CHD5: variants seen among roughly 807,000 people sequenced by gnomAD.
CHD5 encodes chromodomain helicase DNA binding protein 5.
Under a neutral mutation model 230.3 loss-of-function variants are expected in CHD5, and 69 were observed. The ratio of observed to expected loss-of-function variants is 0.30; its 90% CI spans 0.25 to 0.37. The LOEUF (loss-of-function observed/expected upper bound fraction) is 0.37, where lower values mean the gene tolerates loss of function less well. Ranked by LOEUF, CHD5 falls within the 10% of genes least tolerant of loss-of-function variation. The pLI, the probability that CHD5 is intolerant of heterozygous loss-of-function variation, is 1.00. For synonymous variants in CHD5, 1,064 were observed against 1,065.9 expected (o/e 1.00, Z 0.03); for missense variants, 1,827 against 2,622.8 (o/e 0.70, Z 6.63).
At chr1:6,107,517 G>C (rs1293453582) in intron 38 of CHD5, among the ~76,000 whole-genome samples, 3 of 73,022 alleles carry the variant, frequency 4.1e-5, no homozygotes, top group African/African-American at 1.6e-4. Flanking sequence ...ATGGAGGGAT[G>C]GAGCGGTGGA....
At chr1:6,166,825 T>C (rs1667263630) in intron 2 of CHD5, among the ~76,000 whole-genome samples, 1 of 152,098 alleles carries the variant, frequency 6.6e-6, no homozygotes, top group African/African-American at 2.4e-5. Flanking sequence ...CAGGATGTCA[T>C]GTCATAGCAG....
chr1:6,166,134 C>A (rs1429635152), intron 2 of CHD5, among the ~76,000 whole-genome samples: 2 of 151,636 alleles, frequency 1.3e-5, no homozygotes, highest in Non-Finnish European at 2.9e-5. Context: ...AGCTGAGGGA[C>A]AACAGAGAAG....
At chr1:6,179,219 G>A (rs1372517932) in intron 1 of CHD5, among the ~76,000 whole-genome samples, 1 of 152,258 alleles carries the variant, frequency 6.6e-6, no homozygotes, top group East Asian at 1.9e-4. Flanking sequence ...AGGCAGGGTG[G>A]GCTGGGAACG....
Position 6,121,272 on chromosome 1 carries a change from G to C in CHD5, c.4780-35C>G. ...AAAAGCCAGGAGAACTACAAGGCCT[G>C]GGGCCTCACCAGGAACGGAGGGCGG... On this transcript the variant is annotated intron_variant, in intron 32 of 41. Coordinates refer to ENST00000262450, the MANE Select transcript of CHD5 (RefSeq NM_015557.3). This position sits in a 1 kb window ranked among gnomAD's most constrained non-coding sequence, Gnocchi z 4.5. 1 of 1,593,260 alleles carries C rather than the reference G, an allele frequency of 6.3e-7. No individual in the cohort carries two copies. Among genetic ancestry groups the C allele is most frequent in the Non-Finnish European group, 8.5e-7 (1 of 1,172,042 alleles).
At chr1:6,160,114 G>GAGA (rs1667145598) in intron 2 of CHD5, among the ~76,000 whole-genome samples, 1 of 114,458 alleles carries the variant, frequency 8.7e-6, no homozygotes, top group African/African-American at 3.6e-5. Flanking sequence ...GCCAGGGAAG[G>GAGA]GCCCCAGCCA....
chr1:6,143,886 G>C lies in CHD5; in HGVS notation c.1980C>G (p.Leu660=). The C allele has an allele frequency of 1.3e-6, 2 of 1,596,714 alleles. No individual in the cohort carries two copies. The highest frequency in any genetic ancestry group is 8.5e-7 in the Non-Finnish European group (1 of 1,169,796). ...GEDTRLPKRL[L]KKGKKLRDDK... ...CGTCCCTCAGCTTCTTGCCCTTCTT[G>C]AGCAGCCTCTTGGGCAGCCTGGTGT... The change falls in exon 13 of 42, where the codon CTC becomes CTG. Residue 660 remains leucine, a synonymous_variant. Coordinates refer to ENST00000262450, the MANE Select transcript of CHD5 (RefSeq NM_015557.3).
rs1666733503 is a variant in CHD5, at chr1:6,135,531, T to C, written c.2697-128A>G. On this transcript the variant is annotated intron_variant, in intron 17 of 41. Coordinates refer to ENST00000262450, the MANE Select transcript of CHD5 (RefSeq NM_015557.3). ...GGGAGCCCTGGCATTGCCCTGGATA[T>C]CGTCTCAATTTCTGTCTAAGCCTGT... 3.9e-6 allele frequency: 3 copies of C among 762,814 alleles called. No individual in the cohort carries two copies. The South Asian group carries it at 5.4e-5, about 14-fold the overall frequency. 47.3% of individuals were successfully genotyped at this position (762,814 alleles called of 1,614,324 possible). A position where few individuals can be genotyped will look rare whatever the true frequency, so the allele number is the denominator to read the frequency against.
Position 6,125,324 on chromosome 1 carries a change from G to A in CHD5, c.4261-91C>T. 2.9e-6 allele frequency: 4 copies of A among 1,378,328 alleles called. No individual in the cohort carries two copies. The highest frequency in any genetic ancestry group is 3.9e-6 in the Non-Finnish European group (4 of 1,018,200). The allele number at this position is 1,378,328 out of a possible 1,614,324, so 85.4% of individuals were successfully genotyped here. A position where few individuals can be genotyped will look rare whatever the true frequency, so the allele number is the denominator to read the frequency against. ...ATGGGGGAAGAAAAGCATGGGAGGA[G>A]GAGAAGGTAGGAAGGGGGCACAGAG... On this transcript the variant is annotated intron_variant, in intron 28 of 41. Coordinates refer to ENST00000262450, the MANE Select transcript of CHD5 (RefSeq NM_015557.3). This position sits in a 1 kb window ranked among gnomAD's most constrained non-coding sequence, Gnocchi z 6.7.
intron 12 of CHD5, 45 bp from the exon 13 acceptor site, chr1:6,143,976 A>G (rs1216365175): frequency 1.2e-6 from 2 of 1,614,072 alleles, no homozygotes; most frequent in African/African-American, 2.7e-5. Context: ...TCAGCCCAGG[A>G]GCAGGTCCCG....
intron 15 of CHD5, among the ~76,000 whole-genome samples, chr1:6,138,617 G>C (rs1044306565): frequency 7.2e-5 from 11 of 152,208 alleles, no homozygotes; most frequent in South Asian, 2.1e-4. Flanking sequence ...CGTGGCACCT[G>C]GGTTTGCACA....
At chr1:6,120,500 T>TA (rs1666451164) in intron 33 of CHD5, among the ~76,000 whole-genome samples, 1 of 129,718 alleles carries the variant, frequency 7.7e-6, no homozygotes, top group East Asian at 2.5e-4. Context: ...CTACTAAAAA[T>TA]TAAAAAAAAA....
At chr1:6,123,408 A>G (rs995806195) in intron 31 of CHD5, among the ~76,000 whole-genome samples, 10 of 151,716 alleles carry the variant, frequency 6.6e-5, no homozygotes, top group African/African-American at 2.4e-4. Context: ...CCCTACGAAT[A>G]TACTAGAAAT....
At position 6,128,371 on chromosome 1, in the gene CHD5, C is replaced by A. The variant is rs1666597300; in HGVS notation, c.3730+128G>T. On this transcript the variant is annotated intron_variant, in intron 24 of 41. Transcript: ENST00000262450. This position sits in a 1 kb window ranked among gnomAD's most constrained non-coding sequence, Gnocchi z 7.8. ...CCAGACAGAGGAAACTGCGCTGTAA[C>A]AGCCCCACTCGCCGCCCACCTGGCA... The A allele has an allele frequency of 9.1e-7, 1 of 1,093,776 alleles. No homozygotes were observed. The highest frequency in any genetic ancestry group is 1.3e-6 in the Non-Finnish European group (1 of 746,664). 67.8% of individuals were successfully genotyped at this position (1,093,776 alleles called of 1,614,324 possible).
chr1:6,115,091 T>C (rs1012907984), intron 33 of CHD5, among the ~76,000 whole-genome samples: 1 of 150,918 alleles, frequency 6.6e-6, no homozygotes, highest in Non-Finnish European at 1.5e-5. Context: ...GGCGGGCAGA[T>C]CACGAGATCA....
intron 7 of CHD5, among the ~76,000 whole-genome samples, chr1:6,150,431 A>AGGAT (rs74209532): frequency 0.11 from 14,781 of 131,206 alleles, 860 homozygotes; most frequent in East Asian, 0.21. Context: ...GATGGATGAT[A>AGGAT]GGATGGATGG....
intron 3 of CHD5, among the ~76,000 whole-genome samples, chr1:6,156,800 C>T (rs1196604763): frequency 3.9e-5 from 6 of 152,092 alleles, no homozygotes; most frequent in African/African-American, 1.4e-4. Flanking sequence ...GGGGGACATC[C>T]CAGGGGCACA....
At chr1:6,111,736 C>T (rs751049889) in intron 36 of CHD5, 39 bp downstream of exon 36, 47 of 1,540,738 alleles carry the variant, frequency 3.1e-5, no homozygotes, top group East Asian at 1.6e-4. Flanking sequence ...CACGGAGGAA[C>T]GGGCAAGTCC....
chr1:6,176,882 A>AG lies in CHD5; in HGVS notation c.79+3062dup, dbSNP rs1304516596. On this transcript the variant is annotated intron_variant, in intron 1 of 41. Transcript: ENST00000262450. ...CAGCTCTTGACCCCTGGCTTCAACC[A>AG]GCCACCCCAACTCCCAGGAGAATCT... Among the ~76,000 whole-genome samples the AG allele has an allele frequency of 2.6e-4, 39 of 152,234 alleles. No individual in the cohort carries two copies. The East Asian group carries it at 3.9e-3, about 15-fold the overall frequency.
At chr1:6,106,987 G>A (rs1272047027) in intron 38 of CHD5, among the ~76,000 whole-genome samples, 1 of 138,874 alleles carries the variant, frequency 7.2e-6, no homozygotes, top group Non-Finnish European at 1.6e-5. Context: ...TGGAGGGGTG[G>A]AAGGATGGAG....
Sources: allele counts gnomAD v4.1 joint callset (sites outside exome capture counted in the v4.1 genomes callset), GRCh38; gene constraint gnomAD v4.1.1; non-coding constraint Gnocchi (gnomAD v3.1); transcripts MANE v1.5; gene names NCBI Gene and HGNC (gene_info 2026-07-23, HGNC 2026-07-21).